The following TAF4B variants were observed in gnomAD, a reference collection of about 807,000 sequenced individuals.
TAF4B encodes TATA-box binding protein associated factor 4b.
In TAF4B, 38 loss-of-function variants were observed where a neutral mutation model predicts 86.4. The ratio of observed to expected loss-of-function variants is 0.44; its 90% CI spans 0.34 to 0.58. The LOEUF (loss-of-function observed/expected upper bound fraction) is 0.58, where lower values mean the gene tolerates loss of function less well. Ranked by LOEUF, TAF4B falls within the 20% of genes least tolerant of loss-of-function variation. TAF4B has a pLI of 0.02. For missense variants in TAF4B, 988 were observed against 1,027.6 expected, an observed-to-expected ratio of 0.96 and a Z score of 0.53; for synonymous variants, 388 against 391.2, an observed-to-expected ratio of 0.99 and a Z score of 0.10.
chr18:26,368,171 G>A (rs1336658244), intron 14 of TAF4B, among the ~76,000 whole-genome samples: 1 of 152,040 alleles, frequency 6.6e-6, no homozygotes, highest in Non-Finnish European at 1.5e-5. Context: ...TTATAACTTA[G>A]AAATGTGTAC....
At chr18:26,334,746 G>C (rs1043184229) in intron 12 of TAF4B, among the ~76,000 whole-genome samples, 1 of 152,154 alleles carries the variant, frequency 6.6e-6, no homozygotes, top group Non-Finnish European at 1.5e-5. Flanking sequence ...TCAGGTTCTT[G>C]ATTTTAATAG....
Position 26,304,569 on chromosome 18 carries a change from G to A in TAF4B, c.1833-10660G>A, listed in dbSNP as rs143838277. Among the ~76,000 whole-genome samples, 291 of 152,242 alleles carry A rather than the reference G, an allele frequency of 1.9e-3. 2 individuals are homozygous for A. Among genetic ancestry groups the A allele is most frequent in the African/African-American group, 6.8e-3 (284 of 41,564 alleles). On this transcript the variant is annotated intron_variant, in intron 9 of 14. Coordinates refer to ENST00000269142, the MANE Select transcript of TAF4B (RefSeq NM_005640.3). The stretch of plus-strand genomic sequence containing the variant: ...TTTCTTCCAGAGAGGATTTGTGACT[G>A]TTTCTAGTAGACCCAGGGATTACTA...
chr18:26,265,175 G>A lies in TAF4B; in HGVS notation c.349G>A (p.Val117Ile), dbSNP rs201842148. 74 of 1,609,644 alleles carry A rather than the reference G, an allele frequency of 4.6e-5. No homozygotes were observed. Among genetic ancestry groups the A allele is most frequent in the Middle Eastern group, 1.7e-4 (1 of 6,058 alleles). The stretch of plus-strand genomic sequence containing the variant: ...TTTTTCTTTTTTAAATATAGGAACC[G>A]TTTTGATTAAAAGTAACAGTGGTCC... ...PANLQLPPGT[V>I]LIKSNSGPLM... The change falls in exon 2 of 15, where the codon GTT (valine) becomes ATT (isoleucine). Residue 117 changes from valine to isoleucine, a missense_variant. Around this residue, in one of 3 missense-constraint regions of TAF4B, gnomAD observed 747 missense variants for 737.9 expected, o/e 1.01. Transcript: ENST00000269142.
At chr18:26,228,739 C>T (rs1300285532) in intron 1 of TAF4B, among the ~76,000 whole-genome samples, 1 of 152,074 alleles carries the variant, frequency 6.6e-6, no homozygotes, top group Non-Finnish European at 1.5e-5. Flanking sequence ...CACTCCAGCC[C>T]AGGCAACAGA....
chr18:26,309,090 C>T (rs2056826801), intron 9 of TAF4B, among the ~76,000 whole-genome samples: 1 of 151,538 alleles, frequency 6.6e-6, no homozygotes, highest in African/African-American at 2.4e-5. Flanking sequence ...TTGGGTATGG[C>T]AGGAACTTGT....
At chr18:26,323,175 C>G (rs1188890562) in intron 11 of TAF4B, among the ~76,000 whole-genome samples, 1 of 152,156 alleles carries the variant, frequency 6.6e-6, no homozygotes, top group African/African-American at 2.4e-5. Context: ...GAAAATGTTT[C>G]ATGTGCACTT....
At chr18:26,294,950 G>A (rs1312279763) in intron 9 of TAF4B, among the ~76,000 whole-genome samples, 1 of 150,004 alleles carries the variant, frequency 6.7e-6, no homozygotes, top group Non-Finnish European at 1.5e-5. Flanking sequence ...TTAATGAACT[G>A]GAATTCAGAA....
intron 5 of TAF4B, 92 bp downstream of exon 5, chr18:26,275,145 A>C: frequency 7.7e-7 from 1 of 1,295,462 alleles, no homozygotes; most frequent in Admixed American, 2.9e-5. Context: ...GGATTTATTT[A>C]ATTTATTTAT....
At chr18:26,257,512 GGATT>G (rs1255885515) in intron 1 of TAF4B, among the ~76,000 whole-genome samples, 1 of 151,898 alleles carries the variant, frequency 6.6e-6, no homozygotes, top group East Asian at 1.9e-4. Context: ...CCTTTTGACT[GGATT>G]ATTTTGTACA....
intron 10 of TAF4B, among the ~76,000 whole-genome samples, chr18:26,320,199 A>C (rs1270408829): frequency 6.6e-6 from 1 of 152,238 alleles, no homozygotes; most frequent in Non-Finnish European, 1.5e-5. Flanking sequence ...ATTCATGTGT[A>C]TATGTTAAAA....
intron 7 of TAF4B, among the ~76,000 whole-genome samples, chr18:26,289,189 A>T (rs558251003): frequency 1.2e-3 from 180 of 152,286 alleles, no homozygotes; most frequent in African/African-American, 4.2e-3. Context: ...TTTGAAAGTA[A>T]TTAAAGAATA....
intron 9 of TAF4B, among the ~76,000 whole-genome samples, chr18:26,299,463 G>A (rs1388411225): frequency 6.6e-6 from 1 of 151,980 alleles, no homozygotes; most frequent in African/African-American, 2.4e-5. Flanking sequence ...TGATATTCAT[G>A]AGCGATTTGG....
chr18:26,340,580 T>C (rs527611539), intron 13 of TAF4B, among the ~76,000 whole-genome samples: 7 of 152,324 alleles, frequency 4.6e-5, no homozygotes, highest in Non-Finnish European at 1.0e-4. Context: ...CATAAAATTA[T>C]CTGGAGAGCT....
intron 3 of TAF4B, among the ~76,000 whole-genome samples, chr18:26,269,913 A>C (rs1217699214): frequency 6.6e-6 from 1 of 152,136 alleles, no homozygotes; most frequent in Non-Finnish European, 1.5e-5. Flanking sequence ...CCTTAGGATA[A>C]ATTTTAAGGA....
At chr18:26,344,451 A>G (rs1042658157) in intron 13 of TAF4B, among the ~76,000 whole-genome samples, 2 of 152,158 alleles carry the variant, frequency 1.3e-5, no homozygotes, top group East Asian at 1.9e-4. Flanking sequence ...TTAAAATCCT[A>G]TATATCATGA....
chr18:26,318,810 C>A (rs1244293808), intron 10 of TAF4B, among the ~76,000 whole-genome samples: 1 of 152,248 alleles, frequency 6.6e-6, no homozygotes, highest in Non-Finnish European at 1.5e-5. Context: ...TGTTTAATCT[C>A]AGCACTTATT....
intron 14 of TAF4B, among the ~76,000 whole-genome samples, chr18:26,384,368 G>GA (rs956891401): frequency 2.6e-4 from 40 of 152,306 alleles, no homozygotes; most frequent in Admixed American, 2.3e-3. Context: ...AGACAATATT[G>GA]AAAAGCTTAG....
At chr18:26,263,304 A>G (rs1048299135) in intron 1 of TAF4B, among the ~76,000 whole-genome samples, 1 of 151,588 alleles carries the variant, frequency 6.6e-6, no homozygotes, top group African/African-American at 2.4e-5. Flanking sequence ...GCAAATGGAA[A>G]TAAATTTGAT....
intron 1 of TAF4B, among the ~76,000 whole-genome samples, chr18:26,238,793 A>G (rs991554872): frequency 6.6e-6 from 1 of 151,938 alleles, no homozygotes; most frequent in African/African-American, 2.4e-5. Context: ...CCTGTGTCCA[A>G]GTGTTCTCAT....
Sources: allele counts gnomAD v4.1 joint callset (sites outside exome capture counted in the v4.1 genomes callset), GRCh38; gene constraint gnomAD v4.1.1; regional missense constraint gnomAD v4.1.1; transcripts MANE v1.5; gene names NCBI Gene and HGNC (gene_info 2026-07-23, HGNC 2026-07-21).